The following ST7 variants were observed in gnomAD, a reference collection of about 807,000 sequenced individuals.
The protein encoded by ST7 is suppressor of tumorigenicity 7 protein.
In ST7, 28 loss-of-function variants were observed where a neutral mutation model predicts 78.7. The ratio of observed to expected loss-of-function variants is 0.36; its 90% CI spans 0.26 to 0.49. The LOEUF (loss-of-function observed/expected upper bound fraction) is 0.49. Ranked by LOEUF, ST7 falls within the 20% of genes least tolerant of loss-of-function variation. ST7 has a pLI of 0.99. For synonymous variants in ST7, 247 were observed against 249.6 expected (o/e 0.99, Z 0.10); for missense variants, 418 against 696.0 (o/e 0.60, Z 4.49).
chr7:117,003,434 A>G (rs938487794), intron 1 of ST7, among the ~76,000 whole-genome samples: 3 of 152,118 alleles, frequency 2.0e-5, no homozygotes, highest in African/African-American at 7.2e-5. Context: ...AGTAGCTGGG[A>G]CTACAGGCGC....
intron 1 of ST7, among the ~76,000 whole-genome samples, chr7:116,999,189 A>G (rs1197611098): frequency 3.3e-5 from 5 of 152,126 alleles, no homozygotes; most frequent in East Asian, 1.9e-4. Flanking sequence ...CTTTTTTTCA[A>G]TAGTAGGCCT....
chr7:117,161,734 G>A (rs1375838223), intron 9 of ST7, among the ~76,000 whole-genome samples: 1 of 151,622 alleles, frequency 6.6e-6, no homozygotes, highest in Non-Finnish European at 1.5e-5. Flanking sequence ...CAAGTAGCTG[G>A]GATTACAGGT....
chr7:117,071,114 G>A (rs1253696570), intron 1 of ST7, among the ~76,000 whole-genome samples: 1 of 152,154 alleles, frequency 6.6e-6, no homozygotes, highest in Middle Eastern at 3.4e-3. Flanking sequence ...AGCTACTCGG[G>A]AGGCTGAGAC....
chr7:117,155,387 C>T (rs1339333754), intron 9 of ST7, among the ~76,000 whole-genome samples: 1 of 152,074 alleles, frequency 6.6e-6, no homozygotes, highest in African/African-American at 2.4e-5. Context: ...CAATGGGAAG[C>T]TTTTGAAATG....
chr7:117,107,132 T>C (rs935710449), intron 2 of ST7, among the ~76,000 whole-genome samples: 8 of 152,172 alleles, frequency 5.3e-5, no homozygotes, highest in South Asian at 2.1e-4. Context: ...TATATATGTA[T>C]ACATACACAC....
At position 117,119,647 on chromosome 7, in the gene ST7, G is replaced by A. The variant is rs760003119; in HGVS notation, c.321G>A (p.Gly107=). The change falls in exon 3 of 16, where the codon GGG becomes GGA. Residue 107 remains glycine, a synonymous_variant. Transcript: ENST00000323984. ...SVSHLRPLLG[G]VDNNSSNNSN... ...GCCACTTGCGCCCCCTTCTGGGAGG[G>A]GTTGACAACAACTCTTCCAACAATT... 4 of 1,613,846 alleles carry A rather than the reference G, an allele frequency of 2.5e-6. No individual in the cohort carries two copies. The highest frequency in any genetic ancestry group is 1.1e-5 in the South Asian group (1 of 91,020).
intron 6 of ST7, among the ~76,000 whole-genome samples, chr7:117,133,493 G>A (rs1176650467): frequency 6.6e-6 from 1 of 151,826 alleles, no homozygotes; most frequent in East Asian, 1.9e-4. Context: ...AGGAGGGAGA[G>A]AGTTTTGCTT....
chr7:117,090,351 G>C (rs930331463), intron 1 of ST7, among the ~76,000 whole-genome samples: 3 of 152,142 alleles, frequency 2.0e-5, no homozygotes, highest in Non-Finnish European at 4.4e-5. Flanking sequence ...ATTATCAGAA[G>C]TCCTGGGAAA....
intron 1 of ST7, among the ~76,000 whole-genome samples, chr7:116,988,815 C>T (rs1398575327): frequency 6.6e-6 from 1 of 152,148 alleles, no homozygotes; most frequent in Non-Finnish European, 1.5e-5. Context: ...GACTGAACTT[C>T]CAAAATGCAC....
At chr7:117,200,269 C>T (rs534722681) in intron 12 of ST7, among the ~76,000 whole-genome samples, 2 of 152,242 alleles carry the variant, frequency 1.3e-5, no homozygotes, top group South Asian at 4.2e-4. Context: ...GCCCAGCAAC[C>T]CCAAGGCCCC....
chr7:116,957,059 A>G (rs900640993), intron 1 of ST7: 2 of 172,612 alleles, frequency 1.2e-5, no homozygotes, highest in African/African-American at 2.4e-5. Flanking sequence ...ACTTTGATGA[A>G]CAACCATACC....
chr7:117,105,033 G>A (rs1445091289), intron 2 of ST7, among the ~76,000 whole-genome samples: 3 of 152,140 alleles, frequency 2.0e-5, no homozygotes, highest in Non-Finnish European at 4.4e-5. Flanking sequence ...ATTTTCTTGA[G>A]GGTAATACAT....
Position 117,120,176 on chromosome 7 carries a change from C to T in ST7, c.394+456C>T, listed in dbSNP as rs1013434383. 2.6e-5 allele frequency among the ~76,000 whole-genome samples: 4 copies of T among 152,216 alleles called. No individual in the cohort carries two copies. The East Asian group carries it at 5.8e-4, about 22-fold the overall frequency. ...AACTCCTGGGCTCAAGTAATCTGCC[C>T]GCCTTGGCCTCCCAAAGTGCTGGGA... On this transcript the variant is annotated intron_variant, in intron 3 of 15. Transcript: ENST00000323984.
intron 3 of ST7, among the ~76,000 whole-genome samples, chr7:117,124,752 G>A (rs898461747): frequency 1.3e-5 from 2 of 152,090 alleles, no homozygotes; most frequent in Non-Finnish European, 2.9e-5. Context: ...CATGGGAATA[G>A]CAGTAATGTC....
intron 3 of ST7, among the ~76,000 whole-genome samples, chr7:117,127,193 G>A (rs1584735794): frequency 6.6e-6 from 1 of 151,714 alleles, no homozygotes; most frequent in African/African-American, 2.4e-5. Flanking sequence ...TTTGAAATAA[G>A]GAATTTATTC....
At chr7:117,075,438 C>A (rs1227168006) in intron 1 of ST7, among the ~76,000 whole-genome samples, 3 of 152,104 alleles carry the variant, frequency 2.0e-5, no homozygotes, top group African/African-American at 7.2e-5. Flanking sequence ...CTACACGTTT[C>A]TTTGCTCCCA....
chr7:117,218,039 A>G (rs1297247924), intron 13 of ST7, among the ~76,000 whole-genome samples: 1 of 152,224 alleles, frequency 6.6e-6, no homozygotes, highest in Non-Finnish European at 1.5e-5. Flanking sequence ...GTTTGAAATA[A>G]GTATGCAAAA....
intron 1 of ST7, among the ~76,000 whole-genome samples, chr7:116,984,961 T>C (rs1324315060): frequency 6.6e-6 from 1 of 152,228 alleles, no homozygotes; most frequent in Non-Finnish European, 1.5e-5. Context: ...TGGCAGGTAA[T>C]TTAGCTGTAC....
intron 10 of ST7, among the ~76,000 whole-genome samples, chr7:117,177,448 C>A (rs1228594963): frequency 6.6e-6 from 1 of 152,216 alleles, no homozygotes; most frequent in African/African-American, 2.4e-5. Context: ...CATCCCTCCC[C>A]AGCCAGCCAT....
Sources: gnomAD v4.1 joint callset for allele counts (sites outside exome capture counted in the v4.1 genomes callset) on GRCh38, gnomAD v4.1.1 for gene constraint, MANE v1.5 for transcripts, NCBI Gene and HGNC (gene_info 2026-07-23, HGNC 2026-07-21) for gene names.